VPS13D: variants seen among roughly 807,000 people sequenced by gnomAD.
VPS13D encodes intermembrane lipid transfer protein VPS13D.
VPS13D carries 187 observed loss-of-function variants against 461.9 expected under a neutral mutation model. The ratio of observed to expected loss-of-function variants is 0.40; its 90% CI spans 0.36 to 0.46. VPS13D has a LOEUF of 0.46. Ranked by LOEUF, VPS13D falls within the 20% of genes least tolerant of loss-of-function variation. VPS13D has a pLI of 0.60. For synonymous variants in VPS13D, 1,951 were observed against 1,986.3 expected (o/e 0.98, Z 0.47); for missense variants, 4,711 against 5,364.9 (o/e 0.88, Z 3.81).
rs1038037807 is a variant in VPS13D, at chr1:12,445,850, G to A, written c.12334-10148G>A. ...CTCCCATTCCCATTCTACCTCCTCTGCAAAAGACAGGTTCAACTTCTTTGT... is the reference window on the plus strand; with the variant it reads ...CTCCCATTCCCATTCTACCTCCTCTACAAAAGACAGGTTCAACTTCTTTGT... On this transcript the variant is annotated intron_variant, in intron 65 of 69. Coordinates refer to ENST00000620676, the MANE Select transcript of VPS13D (RefSeq NM_015378.4). Among the ~76,000 whole-genome samples, 69 of 152,134 alleles carry A rather than the reference G, an allele frequency of 4.5e-4. 1 individual carries two copies. The highest frequency in any genetic ancestry group is 4.5e-3 in the Admixed American group (69 of 15,274).
At chr1:12,444,112 A>G (rs1001489834) in intron 65 of VPS13D, among the ~76,000 whole-genome samples, 11 of 152,150 alleles carry the variant, frequency 7.2e-5, no homozygotes, top group Admixed American at 3.3e-4. Flanking sequence ...AAGTGCTGGG[A>G]TTACAGGTGT....
chr1:12,411,386 A>C (rs1644725989), intron 63 of VPS13D, among the ~76,000 whole-genome samples: 1 of 151,998 alleles, frequency 6.6e-6, no homozygotes, highest in Non-Finnish European at 1.5e-5. Context: ...TAATCCCAGC[A>C]CTTTGGGAGG....
At chr1:12,501,988 T>TAGC (rs1268756231) in intron 68 of VPS13D, among the ~76,000 whole-genome samples, 1 of 152,108 alleles carries the variant, frequency 6.6e-6, no homozygotes, top group Admixed American at 6.5e-5. Context: ...CAGCTTTTTG[T>TAGC]AGCAGCAGCA....
rs57335089 is a variant in VPS13D, at chr1:12,285,929, C to CTTCCTTTCCT, written c.5635-2238_5635-2229dup. On this transcript the variant is annotated intron_variant, in intron 21 of 69. Transcript: ENST00000620676. ...AATAAAATGATGCATGAATTTCTTT[C>CTTCCTTTCCT]TTCCTTTCCTTTCCTTTCCTTTCCT... is the stretch of plus-strand genomic sequence containing the variant. 1.3e-3 allele frequency among the ~76,000 whole-genome samples: 138 copies of CTTCCTTTCCT among 104,304 alleles called. 4 individuals are homozygous for CTTCCTTTCCT. Among genetic ancestry groups the CTTCCTTTCCT allele is most frequent in the African/African-American group, 3.5e-3 (88 of 25,472 alleles). The allele number at this position is 104,304 out of a possible 152,430, so 68.4% of individuals were successfully genotyped here.
intron 25 of VPS13D, among the ~76,000 whole-genome samples, chr1:12,300,262 C>T (rs776123641): frequency 1.2e-3 from 162 of 137,394 alleles, no homozygotes; most frequent in Non-Finnish European, 1.9e-3. Flanking sequence ...GGCTGGAGTG[C>T]AGTGGCACTG....
chr1:12,372,442 T>G (rs1242407844), intron 54 of VPS13D, among the ~76,000 whole-genome samples: 1 of 152,190 alleles, frequency 6.6e-6, no homozygotes, highest in African/African-American at 2.4e-5. Flanking sequence ...TGGCTTTTGA[T>G]TTGCATCCTT....
intron 37 of VPS13D, 81 bp downstream of exon 37, chr1:12,329,999 A>AATT: frequency 8.9e-7 from 1 of 1,119,402 alleles, no homozygotes; most frequent in Non-Finnish European, 1.3e-6. Context: ...CGTAAATTTT[A>AATT]CATGAAGGAA....
intron 63 of VPS13D, chr1:12,409,977 A>G (rs557147494): frequency 2.2e-6 from 1 of 450,600 alleles, no homozygotes; most frequent in African/African-American, 2.0e-5. Flanking sequence ...GAAGAAGCCA[A>G]GCAGAAAGCA....
intron 65 of VPS13D, among the ~76,000 whole-genome samples, chr1:12,418,016 C>T (rs1017544532): frequency 3.3e-5 from 5 of 152,192 alleles, no homozygotes; most frequent in African/African-American, 1.2e-4. Flanking sequence ...AAGCAACTCT[C>T]CTGCCTCAGC....
intron 65 of VPS13D, among the ~76,000 whole-genome samples, chr1:12,444,513 A>C (rs1253434896): frequency 6.6e-6 from 1 of 151,956 alleles, no homozygotes; most frequent in East Asian, 1.9e-4. Context: ...GTTATGCAGA[A>C]TTTGGACCTT....
intron 60 of VPS13D, among the ~76,000 whole-genome samples, chr1:12,395,063 C>A (rs1644477333): frequency 6.6e-6 from 1 of 152,178 alleles, no homozygotes; most frequent in East Asian, 1.9e-4. Flanking sequence ...ATCTAGGGGC[C>A]TGCCGGGACT....
Position 12,338,938 on chromosome 1 carries a change from T to C in VPS13D, c.8626+633T>C, listed in dbSNP as rs531089350. ...GGAATTGGAGTCCCAAGATGTTCAG[T>C]TTTTGTTTTAGGGAGTGCAGTTTAA... On this transcript the variant is annotated intron_variant, in intron 40 of 69. Coordinates refer to ENST00000620676, the MANE Select transcript of VPS13D (RefSeq NM_015378.4). Among the ~76,000 whole-genome samples, 38 of 152,260 alleles carry C rather than the reference T, an allele frequency of 2.5e-4. 1 individual carries two copies. The South Asian group carries it at 3.7e-3, about 15-fold the overall frequency.
At position 12,283,583 on chromosome 1, in the gene VPS13D, T is replaced by G. The variant is rs768482043; in HGVS notation, c.5481T>G (p.Val1827=). The G allele has an allele frequency of 2.4e-5, 38 of 1,614,092 alleles. No individual in the cohort carries two copies. Among genetic ancestry groups the G allele is most frequent in the Middle Eastern group, 3.3e-4 (2 of 6,084 alleles). ...TGCTGATCACACTGCAAACCTGGGT[T>G]GTGATATTAGACTTTTTTGGAATCG... is the stretch of plus-strand genomic sequence containing the variant. ...LDVLITLQTW[V]VILDFFGIGS... Residue 1827 remains valine (V), a synonymous_variant, in exon 21 of 70, where the codon GTT becomes GTG. Coordinates refer to ENST00000620676, the MANE Select transcript of VPS13D (RefSeq NM_015378.4).
At chr1:12,293,038 A>G (rs1414517796) in intron 23 of VPS13D, among the ~76,000 whole-genome samples, 1 of 152,232 alleles carries the variant, frequency 6.6e-6, no homozygotes, top group Non-Finnish European at 1.5e-5. Context: ...CTTCTAATTT[A>G]TCTTCGACTA....
At chr1:12,381,876 C>A (rs1051431693) in intron 57 of VPS13D, among the ~76,000 whole-genome samples, 6 of 152,128 alleles carry the variant, frequency 3.9e-5, no homozygotes, top group East Asian at 1.9e-4. Flanking sequence ...AAATTTAATT[C>A]GGCTGAAGTC....
rs1261283935 is a variant in VPS13D, at chr1:12,510,616, T to C, written c.*1592T>C. On this transcript the variant is annotated 3_prime_UTR_variant, in exon 70 of 70. Coordinates refer to ENST00000620676, the MANE Select transcript of VPS13D (RefSeq NM_015378.4). ...AGCTTTAGCACAAGTAGCTACATAG[T>C]GTTCAAGGATCAGCTTTCTTGAACT... 1.3e-5 allele frequency: 2 copies of C among 152,310 alleles called. No homozygotes were observed. The highest frequency in any genetic ancestry group is 2.4e-5 in the African/African-American group (1 of 41,452). 9.4% of individuals were successfully genotyped at this position (152,310 alleles called of 1,614,324 possible).
In VPS13D at chr1:12,355,986, ACGT is replaced by A; in HGVS notation, c.9769_9771del (p.Val3257del). 1 of 1,613,830 alleles carries A rather than the reference ACGT, an allele frequency of 6.2e-7. No individual in the cohort carries two copies. The highest frequency in any genetic ancestry group is 8.5e-7 in the Non-Finnish European group (1 of 1,179,846). On this transcript the variant is annotated inframe_deletion, in exon 48 of 70. Coordinates refer to ENST00000620676, the MANE Select transcript of VPS13D (RefSeq NM_015378.4). The stretch of plus-strand genomic sequence containing the variant: ...TATATGGTGAGAATGCGACTCTATG[ACGT>A]CAACCGTCGGCAGCTGAACCTCACC...
chr1:12,392,592 T>G (rs1443718258), intron 60 of VPS13D, among the ~76,000 whole-genome samples: 1 of 150,754 alleles, frequency 6.6e-6, no homozygotes, highest in Non-Finnish European at 1.5e-5. Context: ...GATGGGCAGT[T>G]CAGGTTGCGT....
In VPS13D at chr1:12,299,163, A is replaced by G. The variant is rs761344996; in HGVS notation, c.6034-39A>G. ...GGTTATTTGGTGGTAAAATTAGGGA[A>G]TTAATTATCCTCTGAGTCAGTTTTC... On this transcript the variant is annotated intron_variant, in intron 24 of 69. Coordinates refer to ENST00000620676, the MANE Select transcript of VPS13D (RefSeq NM_015378.4). This position sits in a 1 kb window ranked among gnomAD's most constrained non-coding sequence, Gnocchi z 4.2. 4 of 1,520,462 alleles carry G rather than the reference A, an allele frequency of 2.6e-6. No homozygotes were observed. The Admixed American group carries it at 7.2e-5, about 27-fold the overall frequency. The allele number at this position is 1,520,462 out of a possible 1,614,324, so 94.2% of individuals were successfully genotyped here.
Sources: gnomAD v4.1 joint callset for allele counts (sites outside exome capture counted in the v4.1 genomes callset) on GRCh38, gnomAD v4.1.1 for gene constraint, Gnocchi (gnomAD v3.1) non-coding constraint, MANE v1.5 for transcripts, NCBI Gene and HGNC (gene_info 2026-07-23, HGNC 2026-07-21) for gene names.